Variants in PRELID2 observed in about 807,000 individuals in gnomAD.
PRELID2 encodes PRELI domain-containing protein 2.
Under a neutral mutation model 28.4 loss-of-function variants are expected in PRELID2, and 25 were observed. The observed-to-expected ratio is 0.88, with a 90% confidence interval of 0.64 to 1.23. PRELID2 has a LOEUF of 1.23. Among genes scored for constraint, PRELID2 ranks in the 50% most tolerant of loss-of-function variants. The pLI is 0.00. For synonymous variants in PRELID2, 76 were observed against 71.6 expected (o/e 1.06, Z -0.31); for missense variants, 201 against 214.4 (o/e 0.94, Z 0.39).
At chr5:145,482,400 C>T (rs762525646) in intron 1 of PRELID2, among the ~76,000 whole-genome samples, 7 of 152,146 alleles carry the variant, frequency 4.6e-5, no homozygotes, top group Non-Finnish European at 8.8e-5. Flanking sequence ...CCATAATCTT[C>T]CTTTGTAAGA....
chr5:145,498,232 ATTCTAC>A (rs1328588246), intron 1 of PRELID2, among the ~76,000 whole-genome samples: 1 of 152,222 alleles, frequency 6.6e-6, no homozygotes, highest in Non-Finnish European at 1.5e-5. Flanking sequence ...GAACTCAGCA[ATTCTAC>A]TTCTAAGAAT....
At chr5:145,818,845 G>A (rs1409722594) in intron 3 of PRELID2, among the ~76,000 whole-genome samples, 1 of 152,144 alleles carries the variant, frequency 6.6e-6, no homozygotes, top group Non-Finnish European at 1.5e-5. Context: ...AGCCAAGCTG[G>A]GTTCCACATC....
At chr5:145,402,901 C>T in the PRELID2 span, among the ~76,000 whole-genome samples, 2 of 152,070 alleles carry the variant, frequency 1.3e-5, no homozygotes, top group Non-Finnish European at 2.9e-5. Flanking sequence ...TCAAAATGAC[C>T]TTGCTGAGCC....
chr5:145,271,483 T>C, the PRELID2 span, among the ~76,000 whole-genome samples: 4 of 152,266 alleles, frequency 2.6e-5, no homozygotes, highest in African/African-American at 9.6e-5. Flanking sequence ...CCCAAAGTAC[T>C]GGGATTATAG....
chr5:145,475,507 A>G (rs1347923075), intron 1 of PRELID2, among the ~76,000 whole-genome samples: 1 of 152,190 alleles, frequency 6.6e-6, no homozygotes, highest in Non-Finnish European at 1.5e-5. Context: ...CTCATTCTCA[A>G]ACGCAGTTCT....
At chr5:145,754,404 G>C (rs907003618), downstream of PRELID2, 1 of 152,158 alleles carries the variant, frequency 6.6e-6, no homozygotes, top group Non-Finnish European at 1.5e-5. Context: ...ATATACCCAA[G>C]AGATAACTGT....
the PRELID2 span, chr5:145,451,064 T>A: frequency 1.3e-5 from 2 of 152,192 alleles, no homozygotes; most frequent in Non-Finnish European, 2.9e-5. Flanking sequence ...ATGGACATCT[T>A]ATAATCATTT....
chr5:145,488,731 A>G, intron 1 of PRELID2, among the ~76,000 whole-genome samples: 1 of 152,204 alleles, frequency 6.6e-6, no homozygotes, highest in East Asian at 1.9e-4. Flanking sequence ...ACACTGAATA[A>G]ATACTAGGTA....
At chr5:145,805,715 G>A (rs1009354835) in intron 4 of PRELID2, among the ~76,000 whole-genome samples, 16 of 152,132 alleles carry the variant, frequency 1.1e-4, no homozygotes, top group African/African-American at 2.7e-4. Context: ...CAACTTCATC[G>A]TTGTGCAAAC....
chr5:145,492,298 T>C (rs1003243102), intron 1 of PRELID2, among the ~76,000 whole-genome samples: 7 of 152,224 alleles, frequency 4.6e-5, no homozygotes, highest in African/African-American at 9.6e-5. Context: ...TTTTTTCATA[T>C]ATACCTGTTG....
chr5:145,574,871 T>C (rs1753047558), intron 1 of PRELID2, among the ~76,000 whole-genome samples: 1 of 152,192 alleles, frequency 6.6e-6, no homozygotes, highest in African/African-American at 2.4e-5. Context: ...TCATACTGTA[T>C]TGTTTAGGAA....
the PRELID2 span, among the ~76,000 whole-genome samples, chr5:145,336,240 G>A: frequency 6.6e-6 from 1 of 152,066 alleles, no homozygotes; most frequent in African/African-American, 2.4e-5. Flanking sequence ...TCACTCTGAT[G>A]GTAGTTTGTT....
chr5:145,690,554 T>C (rs1040452969), intron 1 of PRELID2, among the ~76,000 whole-genome samples: 4 of 152,160 alleles, frequency 2.6e-5, no homozygotes, highest in Non-Finnish European at 5.9e-5. Flanking sequence ...TGTTTGAATA[T>C]AGGGATGCTA....
the PRELID2 span, among the ~76,000 whole-genome samples, chr5:145,446,693 A>G: frequency 4.6e-5 from 7 of 152,240 alleles, no homozygotes; most frequent in South Asian, 1.4e-3. Flanking sequence ...TGAGCCACAT[A>G]CCTGGAGCTT....
chr5:145,378,949 T>G, the PRELID2 span, among the ~76,000 whole-genome samples: 1 of 152,128 alleles, frequency 6.6e-6, no homozygotes, highest in African/African-American at 2.4e-5. Flanking sequence ...AGGGTCAACC[T>G]TTGGATTATT....
chr5:145,303,483 T>G, the PRELID2 span, among the ~76,000 whole-genome samples: 1 of 152,174 alleles, frequency 6.6e-6, no homozygotes, highest in African/African-American at 2.4e-5. Flanking sequence ...GAACTCATGG[T>G]GCCCTGGGAT....
chr5:145,478,363 T>C (rs545733101), intron 1 of PRELID2, among the ~76,000 whole-genome samples: 10 of 152,122 alleles, frequency 6.6e-5, no homozygotes, highest in African/African-American at 2.4e-4. Flanking sequence ...CTGGCCAACA[T>C]GGTGAAACCC....
At chr5:145,369,941 T>C in the PRELID2 span, among the ~76,000 whole-genome samples, 1 of 150,510 alleles carries the variant, frequency 6.6e-6, no homozygotes, top group Non-Finnish European at 1.5e-5. Context: ...GTTCATATAC[T>C]TTGCCCACGT....
chr5:145,814,629 T>C (rs1258512530), intron 4 of PRELID2, among the ~76,000 whole-genome samples: 2 of 152,168 alleles, frequency 1.3e-5, no homozygotes, highest in Non-Finnish European at 2.9e-5. Flanking sequence ...TTTCGGTTTA[T>C]AGTTGTTTGG....
Sources: gnomAD v4.1 joint callset for allele counts (sites outside exome capture counted in the v4.1 genomes callset) on GRCh38, gnomAD v4.1.1 for gene constraint, MANE v1.5 for transcripts, NCBI Gene and HGNC (gene_info 2026-07-23, HGNC 2026-07-21) for gene names.